ST7: variants seen among roughly 807,000 people sequenced by gnomAD.
The protein encoded by ST7 is suppression of tumorigenicity 7, also known as suppressor of tumorigenicity 7 protein.
Under a neutral mutation model 78.7 loss-of-function variants are expected in ST7, and 28 were observed. The observed-to-expected ratio is 0.36, with a 90% confidence interval of 0.26 to 0.49. The LOEUF (loss-of-function observed/expected upper bound fraction) is 0.49. Among genes scored for constraint, ST7 ranks in the 20% least tolerant of loss-of-function variants. The pLI is 0.99. For synonymous variants in ST7, 247 were observed against 249.6 expected, an observed-to-expected ratio of 0.99 and a Z score of 0.10; for missense variants, 418 against 696.0, an observed-to-expected ratio of 0.60 and a Z score of 4.49.
At chr7:117,009,210 A>G (rs757042820) in intron 1 of ST7, among the ~76,000 whole-genome samples, 4 of 147,362 alleles carry the variant, frequency 2.7e-5, no homozygotes, top group Non-Finnish European at 6.0e-5. Context: ...CTGCAGCTGT[A>G]TGCTACAGCT....
intron 1 of ST7, among the ~76,000 whole-genome samples, chr7:117,069,196 G>T (rs1449747448): frequency 6.6e-6 from 1 of 152,232 alleles, no homozygotes; most frequent in Non-Finnish European, 1.5e-5. Flanking sequence ...ACAGTAGCCT[G>T]TAGATGAAAA....
intron 1 of ST7, among the ~76,000 whole-genome samples, chr7:117,082,534 C>T (rs916841723): frequency 6.6e-6 from 1 of 152,108 alleles, no homozygotes; most frequent in African/African-American, 2.4e-5. Context: ...GGATACTGAT[C>T]GACTTCCCAA....
At chr7:117,080,782 T>C (rs1183335069) in intron 1 of ST7, 1 of 152,232 alleles carries the variant, frequency 6.6e-6, no homozygotes, top group East Asian at 1.9e-4. Flanking sequence ...TGCATTTAGG[T>C]ACTTAAATAT....
At chr7:117,202,964 C>T (rs2115923222) in intron 12 of ST7, among the ~76,000 whole-genome samples, 1 of 152,308 alleles carries the variant, frequency 6.6e-6, no homozygotes, top group South Asian at 2.1e-4. Context: ...CCCTGCAGAA[C>T]CGAACAGAAC....
At chr7:117,193,231 G>A (rs1270834974) in intron 12 of ST7, among the ~76,000 whole-genome samples, 2 of 151,816 alleles carry the variant, frequency 1.3e-5, no homozygotes, top group African/African-American at 4.9e-5. Context: ...TGAGACATCG[G>A]TGAAGGTTAC....
intron 2 of ST7, among the ~76,000 whole-genome samples, chr7:117,115,479 C>T (rs552900890): frequency 1.4e-4 from 22 of 151,926 alleles, no homozygotes; most frequent in Admixed American, 5.9e-4. Context: ...CTCAGCCACC[C>T]GAGTAGCTGG....
At chr7:117,068,593 T>G (rs1798759105) in intron 1 of ST7, among the ~76,000 whole-genome samples, 1 of 152,248 alleles carries the variant, frequency 6.6e-6, no homozygotes. Context: ...ATTAGAAAAA[T>G]GAAGTCTTCC....
At chr7:117,008,418 T>G (rs1405479234) in intron 1 of ST7, among the ~76,000 whole-genome samples, 1 of 152,214 alleles carries the variant, frequency 6.6e-6, no homozygotes, top group East Asian at 1.9e-4. Context: ...TTCTACACTA[T>G]GAGTATGTTT....
chr7:117,112,350 C>T (rs966876428), intron 2 of ST7: 1 of 152,156 alleles, frequency 6.6e-6, no homozygotes, highest in African/African-American at 2.4e-5. Context: ...CTATATTAAG[C>T]ACTTTGCATA....
Position 117,193,150 on chromosome 7 carries a change from T to C in ST7, c.1254+2214T>C, listed in dbSNP as rs1344646682. Among the ~76,000 whole-genome samples the C allele has an allele frequency of 3.5e-5, 5 of 144,850 alleles. No individual in the cohort carries two copies. In the South Asian group the frequency reaches 1.1e-3, roughly 32 times the overall value. ...GCTCTAAATATCTAACTTTAGCAGA[T>C]ACACACACACACACACACACACACA... On this transcript the variant is annotated intron_variant, in intron 12 of 15. Coordinates refer to ENST00000323984, the MANE Select transcript of ST7 (RefSeq NM_001369598.1).
At chr7:117,020,326 AC>A in intron 1 of ST7, 2 of 448,514 alleles carry the variant, frequency 4.5e-6, no homozygotes, top group East Asian at 7.1e-5. Flanking sequence ...CAGAAGAGGC[AC>A]GTCGGCCTTC....
chr7:117,020,648 C>T (rs1157820989), intron 1 of ST7: 4 of 1,550,756 alleles, frequency 2.6e-6, no homozygotes, highest in Non-Finnish European at 3.5e-6. Flanking sequence ...ATGGATCCCA[C>T]TTCTCTGCTA....
intron 1 of ST7, among the ~76,000 whole-genome samples, chr7:117,000,772 A>G (rs1429548051): frequency 6.6e-6 from 1 of 152,268 alleles, no homozygotes; most frequent in Non-Finnish European, 1.5e-5. Context: ...GCTACTGGCC[A>G]TAATACCTGG....
intron 2 of ST7, among the ~76,000 whole-genome samples, chr7:117,109,048 C>G (rs746264813): frequency 1.3e-5 from 2 of 152,144 alleles, no homozygotes; most frequent in Non-Finnish European, 2.9e-5. Flanking sequence ...TCAGCAAACA[C>G]TTGACAGTTT....
intron 7 of ST7, 105 bp from the exon 8 acceptor site, chr7:117,135,976 T>G (rs1804758570): frequency 8.0e-7 from 1 of 1,249,368 alleles, no homozygotes; most frequent in Admixed American, 2.2e-5. Context: ...AGTTGGCCAC[T>G]CTGCATGTTT....
chr7:117,085,844 C>A (rs930372742), intron 1 of ST7, among the ~76,000 whole-genome samples: 1 of 151,932 alleles, frequency 6.6e-6, no homozygotes. Context: ...AAGAGATTAA[C>A]GTACTTACTA....
intron 9 of ST7, 77 bp downstream of exon 9, chr7:117,138,609 A>C: frequency 1.9e-6 from 2 of 1,058,660 alleles, no homozygotes; most frequent in Non-Finnish European, 2.8e-6. Context: ...AGTCTGTACC[A>C]GTGATGGTGT....
In ST7 at chr7:117,027,655, T is replaced by G. The variant is rs191547245; in HGVS notation, c.152-72107T>G. Among the ~76,000 whole-genome samples the G allele has an allele frequency of 8.5e-5, 13 of 152,180 alleles. No individual in the cohort carries two copies. The East Asian group carries it at 2.5e-3, about 29-fold the overall frequency. On this transcript the variant is annotated intron_variant, in intron 1 of 15. Coordinates refer to ENST00000323984, the MANE Select transcript of ST7 (RefSeq NM_001369598.1). ...CTCAGCACTTTGGGAGGCCGAGGCA[T>G]GAGGATTGTTTGAGCCCAGGAGTTG...
At chr7:116,956,514 C>T (rs562623380) in intron 1 of ST7, 4 of 471,134 alleles carry the variant, frequency 8.5e-6, no homozygotes, top group African/African-American at 2.0e-5. Flanking sequence ...TTGCAGATGG[C>T]GCAGGCCTCC....
Sources: allele counts gnomAD v4.1 joint callset (sites outside exome capture counted in the v4.1 genomes callset), GRCh38; gene constraint gnomAD v4.1.1; transcripts MANE v1.5; gene names NCBI Gene and HGNC (gene_info 2026-07-23, HGNC 2026-07-21).